Variants in XIRP2 observed in about 807,000 individuals in gnomAD.
XIRP2 encodes the protein xin actin-binding repeat-containing protein 2.
XIRP2 carries 236 observed loss-of-function variants against 277.0 expected under a neutral mutation model. The observed-to-expected ratio is 0.85, with a 90% CI of 0.77 to 0.95. The LOEUF (loss-of-function observed/expected upper bound fraction) is 0.95, where lower values mean the gene tolerates loss of function less well. XIRP2 is among the 40% of genes least tolerant of loss of function. XIRP2 has a pLI of 0.00. For synonymous variants in XIRP2, 1,490 were observed against 1,416.5 expected, an observed-to-expected ratio of 1.05 and a Z score of -1.17; for missense variants, 4,640 against 4,157.5, an observed-to-expected ratio of 1.12 and a Z score of -3.19.
At chr2:167,221,487 G>GAAAAAAAAAAAAA (rs1694429409) in intron 5 of XIRP2, among the ~76,000 whole-genome samples, 1 of 144,034 alleles carries the variant, frequency 6.9e-6, no homozygotes, top group Non-Finnish European at 1.5e-5. Flanking sequence ...AAAAAAAAAG[G>GAAAAAAAAAAAAA]AAAAAGTCAT....
chr2:167,238,214 A>G (rs534013150), intron 5 of XIRP2, among the ~76,000 whole-genome samples: 2 of 152,296 alleles, frequency 1.3e-5, no homozygotes, highest in South Asian at 2.1e-4. Flanking sequence ...CTTAGCACAA[A>G]CTGTGTGTTA....
intron 2 of XIRP2, among the ~76,000 whole-genome samples, chr2:167,086,156 A>G (rs372690483): frequency 6.6e-6 from 1 of 152,164 alleles, no homozygotes; most frequent in East Asian, 1.9e-4. Flanking sequence ...AAAATCTCTC[A>G]GCATTTGCTT....
intron 2 of XIRP2, among the ~76,000 whole-genome samples, chr2:167,011,433 T>A: frequency 6.6e-6 from 1 of 150,702 alleles, no homozygotes; most frequent in East Asian, 2.0e-4. Context: ...CACTTGATCA[T>A]GGTGGATAAG....
intron 2 of XIRP2, among the ~76,000 whole-genome samples, chr2:167,030,150 T>C (rs547749171): frequency 2.0e-5 from 3 of 152,228 alleles, no homozygotes; most frequent in African/African-American, 7.2e-5. Flanking sequence ...TTTGTTAATT[T>C]TTCAAAAAAC....
At chr2:167,074,154 A>G (rs945692069) in intron 2 of XIRP2, among the ~76,000 whole-genome samples, 1 of 152,178 alleles carries the variant, frequency 6.6e-6, no homozygotes, top group African/African-American at 2.4e-5. Context: ...CTTTGTGGCA[A>G]GTCACTGATA....
chr2:167,005,272 T>C (rs1174608393), intron 2 of XIRP2, among the ~76,000 whole-genome samples: 1 of 151,874 alleles, frequency 6.6e-6, no homozygotes, highest in South Asian at 2.1e-4. Flanking sequence ...GAATATATTT[T>C]GTCATATTCT....
chr2:167,215,147 G>A (rs1694205219), intron 4 of XIRP2, among the ~76,000 whole-genome samples: 1 of 152,034 alleles, frequency 6.6e-6, no homozygotes, highest in Admixed American at 6.6e-5. Context: ...ATGGCAGAAG[G>A]GGTAAAATAA....
intron 3 of XIRP2, among the ~76,000 whole-genome samples, chr2:167,192,701 C>G (rs922473508): frequency 6.6e-6 from 1 of 152,110 alleles, no homozygotes; most frequent in Non-Finnish European, 1.5e-5. Context: ...CTGCGGCATC[C>G]AGAGCTATTT....
In XIRP2 at chr2:167,024,968, T is replaced by C. The variant is rs377424983; in HGVS notation, c.409-110941T>C. On this transcript the variant is annotated intron_variant, in intron 2 of 10. Coordinates refer to ENST00000409195, the MANE Select transcript of XIRP2 (RefSeq NM_152381.6). Reference sequence around the variant, plus strand: ...TGGTATCAGGATGATGCTGGCCTCATAACATGAGTTAGGGAGGATTCCCTC... The same window carrying C: ...TGGTATCAGGATGATGCTGGCCTCACAACATGAGTTAGGGAGGATTCCCTC... Among the ~76,000 whole-genome samples, 13 of 152,314 alleles carry C rather than the reference T, an allele frequency of 8.5e-5. No homozygotes were observed. In the South Asian group the frequency reaches 2.7e-3, roughly 32 times the overall value.
At chr2:167,152,352 A>G (rs986155525) in intron 3 of XIRP2, among the ~76,000 whole-genome samples, 1 of 149,688 alleles carries the variant, frequency 6.7e-6, no homozygotes, top group Non-Finnish European at 1.5e-5. Flanking sequence ...CCCCCAGTTT[A>G]CTACACTCAA....
rs372095876 is a variant in XIRP2, at chr2:167,258,017, A to G, written c.*200A>G. On this transcript the variant is annotated 3_prime_UTR_variant, in exon 11 of 11. Transcript: ENST00000409195. Reference sequence around the variant, plus strand: ...AAGCAGATCAGTGGACTTTATTCCTAATGAAGAACCAAATATGTGTAAAAA... The same window carrying G: ...AAGCAGATCAGTGGACTTTATTCCTGATGAAGAACCAAATATGTGTAAAAA... 1.2e-6 allele frequency: 2 copies of G among 1,613,206 alleles called. No individual in the cohort carries two copies. The highest frequency in any genetic ancestry group is 1.7e-6 in the Non-Finnish European group (2 of 1,179,518).
chr2:167,004,508 A>G (rs1484743846), intron 2 of XIRP2, among the ~76,000 whole-genome samples: 3 of 151,904 alleles, frequency 2.0e-5, no homozygotes, highest in Non-Finnish European at 2.9e-5. Context: ...CAGACCATAC[A>G]TTGAATAGGA....
intron 4 of XIRP2, 114 bp downstream of exon 4, chr2:167,211,009 G>A: frequency 7.7e-7 from 1 of 1,299,816 alleles, no homozygotes; most frequent in Non-Finnish European, 1.0e-6. Flanking sequence ...AGTAGAAAGA[G>A]CACAAAAATA....
At chr2:166,935,496 G>A (rs1685470653) in intron 2 of XIRP2, among the ~76,000 whole-genome samples, 1 of 151,480 alleles carries the variant, frequency 6.6e-6, no homozygotes, top group Non-Finnish European at 1.5e-5. Context: ...CATGTGCCAT[G>A]TTGGTATGCT....
intron 2 of XIRP2, among the ~76,000 whole-genome samples, chr2:167,022,913 A>T (rs1002282290): frequency 1.3e-5 from 2 of 152,130 alleles, no homozygotes; most frequent in African/African-American, 2.4e-5. Flanking sequence ...CGCAATAAAC[A>T]TATGTGTGCA....
intron 3 of XIRP2, among the ~76,000 whole-genome samples, chr2:167,155,290 C>A (rs1692153079): frequency 3.3e-5 from 5 of 151,778 alleles, no homozygotes; most frequent in Admixed American, 2.6e-4. Context: ...AGAGACACAA[C>A]CAAAAAGGAG....
chr2:167,077,007 G>GT (rs955815065), intron 2 of XIRP2, among the ~76,000 whole-genome samples: 22 of 151,738 alleles, frequency 1.4e-4, no homozygotes, highest in South Asian at 6.3e-4. Flanking sequence ...ATTTTTGTGT[G>GT]TTTTTTTGTT....
At chr2:167,153,666 T>C (rs535614668) in intron 3 of XIRP2, among the ~76,000 whole-genome samples, 73 of 152,136 alleles carry the variant, frequency 4.8e-4, no homozygotes, top group African/African-American at 1.7e-3. Flanking sequence ...GTGTTTGGTT[T>C]TTTGTTCTTG....
intron 2 of XIRP2, among the ~76,000 whole-genome samples, chr2:166,987,056 T>A: frequency 6.6e-6 from 1 of 152,222 alleles, no homozygotes; most frequent in East Asian, 1.9e-4. Context: ...GGAGGGTAGA[T>A]GTTAATGACA....
Sources: gnomAD v4.1 joint callset for allele counts (sites outside exome capture counted in the v4.1 genomes callset) on GRCh38, gnomAD v4.1.1 for gene constraint, MANE v1.5 for transcripts, NCBI Gene and HGNC (gene_info 2026-07-23, HGNC 2026-07-21) for gene names.